The following ADARB2 variants were observed in gnomAD, a reference collection of about 807,000 sequenced individuals.
ADARB2 encodes the protein inactive double-stranded RNA-specific editase B2.
ADARB2 carries 25 observed loss-of-function variants against 62.2 expected under a neutral mutation model. The ratio of observed to expected loss-of-function variants is 0.40; its 90% confidence interval spans 0.29 to 0.56. The LOEUF (loss-of-function observed/expected upper bound fraction) is 0.56. ADARB2 is among the 20% of genes least tolerant of loss of function. The pLI is 0.43. For missense variants in ADARB2, 1,071 were observed against 1,077.4 expected, an observed-to-expected ratio of 0.99 and a Z score of 0.08; for synonymous variants, 572 against 500.8, an observed-to-expected ratio of 1.14 and a Z score of -1.90.
At chr10:1,514,616 G>T (rs141550808) in intron 1 of ADARB2, among the ~76,000 whole-genome samples, 1 of 151,850 alleles carries the variant, frequency 6.6e-6, no homozygotes, top group African/African-American at 2.4e-5. Context: ...TATGGCCTTG[G>T]AGTGCTTGAA....
At chr10:1,189,804 C>CA (rs1836814361) in intron 8 of ADARB2, among the ~76,000 whole-genome samples, 1 of 119,588 alleles carries the variant, frequency 8.4e-6, no homozygotes, top group African/African-American at 3.5e-5. Context: ...CCCCAGAACA[C>CA]GTGGCGCTAC....
chr10:1,611,242 G>A (rs1833568733), intron 1 of ADARB2, among the ~76,000 whole-genome samples: 1 of 152,174 alleles, frequency 6.6e-6, no homozygotes. Flanking sequence ...TCTTCCAGCG[G>A]CCGATCTTTC....
At chr10:1,644,851 A>G (rs1184762697) in intron 1 of ADARB2, among the ~76,000 whole-genome samples, 1 of 152,064 alleles carries the variant, frequency 6.6e-6, no homozygotes, top group African/African-American at 2.4e-5. Context: ...TAAATTTATG[A>G]CTCGAGATTT....
At chr10:1,418,947 T>C (rs1832829758) in intron 1 of ADARB2, among the ~76,000 whole-genome samples, 1 of 152,188 alleles carries the variant, frequency 6.6e-6, no homozygotes, top group African/African-American at 2.4e-5. Flanking sequence ...GTAGGCTGCA[T>C]GGTCGAGGAA....
intron 1 of ADARB2, among the ~76,000 whole-genome samples, chr10:1,429,046 T>A (rs1234346563): frequency 6.6e-6 from 1 of 151,282 alleles, no homozygotes; most frequent in East Asian, 1.9e-4. Context: ...GTGTCTATAT[T>A]CTGGTCTGAA....
intron 1 of ADARB2, among the ~76,000 whole-genome samples, chr10:1,507,673 C>T (rs1202037618): frequency 6.6e-6 from 1 of 152,200 alleles, no homozygotes; most frequent in Non-Finnish European, 1.5e-5. Flanking sequence ...GTTCCAATGT[C>T]TTCCAGGACT....
intron 1 of ADARB2, among the ~76,000 whole-genome samples, chr10:1,449,406 C>T (rs896554884): frequency 2.6e-5 from 4 of 152,146 alleles, no homozygotes; most frequent in Non-Finnish European, 1.5e-5. Flanking sequence ...GCAATGCATC[C>T]CCATGGTAAA....
intron 3 of ADARB2, among the ~76,000 whole-genome samples, chr10:1,336,741 A>G (rs4880824): frequency 0.33 from 50,403 of 151,836 alleles, 8,455 homozygotes; most frequent in Middle Eastern, 0.4. Flanking sequence ...ACGCTTTCTT[A>G]GTCCACTGAG....
At chr10:1,648,355 A>C (rs34128661) in intron 1 of ADARB2, among the ~76,000 whole-genome samples, 70,757 of 151,700 alleles carry the variant, frequency 0.47, 16,670 homozygotes, top group South Asian at 0.53. Flanking sequence ...ACACAGGAAG[A>C]GCCGTGGGCT....
chr10:1,641,099 T>G (rs1438389215), intron 1 of ADARB2, among the ~76,000 whole-genome samples: 1 of 152,344 alleles, frequency 6.6e-6, no homozygotes, highest in Non-Finnish European at 1.5e-5. Context: ...TTTCATAAAC[T>G]ACAAATATAT....
intron 1 of ADARB2, among the ~76,000 whole-genome samples, chr10:1,446,563 C>T (rs531196488): frequency 1.3e-5 from 2 of 152,140 alleles, no homozygotes; most frequent in Non-Finnish European, 2.9e-5. Flanking sequence ...TGCAGGGAGG[C>T]GGTGCTGAAG....
At chr10:1,299,859 C>T (rs1831557494) in intron 3 of ADARB2, among the ~76,000 whole-genome samples, 2 of 152,252 alleles carry the variant, frequency 1.3e-5, no homozygotes, top group African/African-American at 2.4e-5. Context: ...ACACCCTGGC[C>T]TCTTCCCTGC....
intron 1 of ADARB2, among the ~76,000 whole-genome samples, chr10:1,561,973 C>T (rs1832791492): frequency 6.6e-6 from 1 of 152,258 alleles, no homozygotes; most frequent in Non-Finnish European, 1.5e-5. Context: ...TAAAATGCTT[C>T]TGTGAACTGC....
intron 1 of ADARB2, among the ~76,000 whole-genome samples, chr10:1,463,060 T>C (rs997478460): frequency 3.3e-5 from 5 of 152,156 alleles, no homozygotes; most frequent in South Asian, 2.1e-4. Context: ...TGTGTGTCCA[T>C]TTAGGGATGC....
intron 4 of ADARB2, among the ~76,000 whole-genome samples, chr10:1,268,579 G>C (rs1308652984): frequency 6.6e-6 from 1 of 152,174 alleles, no homozygotes; most frequent in Non-Finnish European, 1.5e-5. Context: ...ATTACTCTGA[G>C]AATTTCTTAG....
chr10:1,492,460 A>AGGAGC lies in ADARB2; in HGVS notation c.101-113305_101-113301dup, dbSNP rs1177840676. ...CACGTGACGCTAAGGCAGAGATTGA[A>AGGAGC]GGAGCAGGAAGGATCATCCCCTGCG... On this transcript the variant is annotated intron_variant, in intron 1 of 9. Transcript: ENST00000381312. Among the ~76,000 whole-genome samples, 44 of 152,138 alleles carry AGGAGC rather than the reference A, an allele frequency of 2.9e-4. 1 individual carries two copies. The highest frequency in any genetic ancestry group is 2.9e-3 in the Admixed American group (44 of 15,282).
chr10:1,348,798 T>G (rs1339270990), intron 3 of ADARB2, among the ~76,000 whole-genome samples: 2 of 152,114 alleles, frequency 1.3e-5, no homozygotes, highest in Admixed American at 6.5e-5. Context: ...GGGAGCTGAG[T>G]GCCCATGCAC....
intron 1 of ADARB2, among the ~76,000 whole-genome samples, chr10:1,681,010 AG>A (rs1834528768): frequency 6.6e-6 from 1 of 152,230 alleles, no homozygotes; most frequent in Non-Finnish European, 1.5e-5. Context: ...TCTATAAACA[AG>A]GGGTTAGGGA....
chr10:1,220,343 GTGATTGTGGTGA>G (rs1440448177), intron 6 of ADARB2, among the ~76,000 whole-genome samples: 7 of 117,076 alleles, frequency 6.0e-5, no homozygotes, highest in African/African-American at 1.2e-4. Flanking sequence ...ATGGATGATG[GTGATTGTGGTGA>G]TGATGGTGAT....
Sources: allele counts gnomAD v4.1 joint callset (sites outside exome capture counted in the v4.1 genomes callset), GRCh38; gene constraint gnomAD v4.1.1; transcripts MANE v1.5; gene names NCBI Gene and HGNC (gene_info 2026-07-23, HGNC 2026-07-21).